The following ENAH variants were observed in gnomAD, a reference collection of about 807,000 sequenced individuals.
ENAH encodes the protein ENAH actin regulator.
ENAH carries 23 observed loss-of-function variants against 78.7 expected under a neutral mutation model. That is an observed-to-expected ratio of 0.29 (90% confidence interval 0.21 to 0.41). ENAH has a LOEUF of 0.41. Ranked by LOEUF, ENAH falls within the 10% of genes least tolerant of loss-of-function variation. The pLI, the probability that ENAH is intolerant of heterozygous loss-of-function variation, is 1.00. For synonymous variants in ENAH, 226 were observed against 241.0 expected (o/e 0.94, Z 0.58); for missense variants, 544 against 691.0 (o/e 0.79, Z 2.39).
chr1:225,531,119 C>G (rs1240683322), intron 3 of ENAH: 1 of 397,942 alleles, frequency 2.5e-6, no homozygotes, highest in African/African-American at 2.1e-5. Context: ...CTCCAGTATG[C>G]TAAAGCATTT....
At chr1:225,521,058 G>A (rs188420500) in intron 4 of ENAH, among the ~76,000 whole-genome samples, 11 of 151,544 alleles carry the variant, frequency 7.3e-5, no homozygotes, top group East Asian at 5.9e-4. Context: ...GCACGCGCGC[G>A]CACACACACA....
chr1:225,596,923 G>T (rs547503960), intron 1 of ENAH, among the ~76,000 whole-genome samples: 9 of 152,050 alleles, frequency 5.9e-5, no homozygotes, highest in Non-Finnish European at 1.0e-4. Flanking sequence ...CTGACCAGTG[G>T]GATAAAAATG....
At chr1:225,586,853 G>C (rs908645883) in intron 1 of ENAH, among the ~76,000 whole-genome samples, 2 of 145,094 alleles carry the variant, frequency 1.4e-5, no homozygotes, top group African/African-American at 5.1e-5. Context: ...GTGAAACCCT[G>C]TCTCTACTAA....
intron 2 of ENAH, among the ~76,000 whole-genome samples, chr1:225,561,062 T>G (rs1324632996): frequency 1.3e-5 from 2 of 151,696 alleles, no homozygotes; most frequent in Non-Finnish European, 2.9e-5. Context: ...GGTGAAACCC[T>G]GTCTCTACTG....
upstream of ENAH, among the ~76,000 whole-genome samples, chr1:225,653,741 A>C (rs1663485849): frequency 6.6e-6 from 1 of 152,090 alleles, no homozygotes; most frequent in South Asian, 2.1e-4. The surrounding 1 kb of genome is among the most constrained non-coding windows in gnomAD (Gnocchi z 4.3). Flanking sequence ...GGATGAGGGA[A>C]TCGGGGGGCA....
intron 11 of ENAH, among the ~76,000 whole-genome samples, chr1:225,506,782 T>C (rs2096334285): frequency 6.6e-6 from 1 of 152,174 alleles, no homozygotes; most frequent in Admixed American, 6.6e-5. Flanking sequence ...TCTTCTTTCC[T>C]ACTAGCAGAA....
rs2096223588 is a variant in ENAH at position 225,491,814 on chromosome 1, CTATT to C, written c.*5957_*5960del. 6.6e-6 allele frequency: 1 copy of C among 152,198 alleles called. No homozygotes were observed. The highest frequency in any genetic ancestry group is 2.4e-5 in the African/African-American group (1 of 41,446). 9.4% of individuals were successfully genotyped at this position (152,198 alleles called of 1,614,324 possible). On this transcript the variant is annotated 3_prime_UTR_variant, in exon 14 of 14. Coordinates refer to ENST00000366843, the MANE Select transcript of ENAH (RefSeq NM_018212.6). ...TTTCTAAGCCTTCTTAGAAGAATAA[CTATT>C]TACTAAAACCCAACCAAACCAACCT... is the stretch of plus-strand genomic sequence containing the variant.
chr1:225,504,333 G>C (rs2151066193), intron 11 of ENAH, among the ~76,000 whole-genome samples: 1 of 152,170 alleles, frequency 6.6e-6, no homozygotes, highest in African/African-American at 2.4e-5. Context: ...TTTATGATGA[G>C]AGCGTTGCCT....
At chr1:225,615,192 G>A (rs1318950899) in intron 1 of ENAH, among the ~76,000 whole-genome samples, 1 of 152,134 alleles carries the variant, frequency 6.6e-6, no homozygotes, top group African/African-American at 2.4e-5. Context: ...GCAGGCGCGC[G>A]CCGCCACGCC....
chr1:225,580,715 C>T (rs1196071404), intron 1 of ENAH, among the ~76,000 whole-genome samples: 2 of 151,936 alleles, frequency 1.3e-5, no homozygotes, highest in Non-Finnish European at 2.9e-5. Flanking sequence ...ATCAGGACTT[C>T]GAGAACAGCC....
At chr1:225,613,217 T>G (rs2097001805) in intron 1 of ENAH, among the ~76,000 whole-genome samples, 1 of 152,108 alleles carries the variant, frequency 6.6e-6, no homozygotes, top group Admixed American at 6.6e-5. Flanking sequence ...AACTCAAACG[T>G]CCCTCCCTAA....
rs1454725385 is a variant in ENAH at position 225,489,513 on chromosome 1, C to A, written c.*8262G>T. 1 of 152,092 alleles carries A rather than the reference C, an allele frequency of 6.6e-6. No homozygotes were observed. The highest frequency in any genetic ancestry group is 1.5e-5 in the Non-Finnish European group (1 of 68,024). The allele number at this position is 152,092 out of a possible 1,614,324, so 9.4% of individuals were successfully genotyped here. A position where few individuals can be genotyped will look rare whatever the true frequency, so the allele number is the denominator to read the frequency against. On this transcript the variant is annotated 3_prime_UTR_variant, in exon 14 of 14. Coordinates refer to ENST00000366843, the MANE Select transcript of ENAH (RefSeq NM_018212.6). The stretch of plus-strand genomic sequence containing the variant: ...GACTATAAAACAACTAAAAGCTGCA[C>A]TTAAGATGGGAGAGCCAAACTCAGA...
intron 6 of ENAH, chr1:225,515,172 G>A: frequency 2.6e-6 from 1 of 391,526 alleles, no homozygotes; most frequent in Non-Finnish European, 4.5e-6. Context: ...TTTTTCATGG[G>A]GATTTGGTAA....
chr1:225,527,345 T>C (rs1305588543), intron 4 of ENAH, among the ~76,000 whole-genome samples: 1 of 152,184 alleles, frequency 6.6e-6, no homozygotes, highest in Non-Finnish European at 1.5e-5. Flanking sequence ...ATGATTTTTA[T>C]ATAAATAACC....
chr1:225,549,973 C>T (rs2096633709), intron 3 of ENAH, among the ~76,000 whole-genome samples: 1 of 152,134 alleles, frequency 6.6e-6, no homozygotes, highest in Non-Finnish European at 1.5e-5. Flanking sequence ...CATATCAATC[C>T]TTTATTTAGC....
chr1:225,501,316 GA>G, intron 11 of ENAH: 1 of 418,818 alleles, frequency 2.4e-6, no homozygotes, highest in Non-Finnish European at 4.2e-6. Flanking sequence ...GACTTCTTCA[GA>G]AAAGAGTAGA....
At chr1:225,499,178 T>C (rs1012275222) in intron 12 of ENAH, among the ~76,000 whole-genome samples, 1 of 152,214 alleles carries the variant, frequency 6.6e-6, no homozygotes, top group Non-Finnish European at 1.5e-5. Flanking sequence ...AATGTCCTTT[T>C]GTTTTGTATT....
intron 1 of ENAH, among the ~76,000 whole-genome samples, chr1:225,603,095 G>A (rs989379781): frequency 2.6e-5 from 4 of 151,842 alleles, no homozygotes; most frequent in South Asian, 2.1e-4. Flanking sequence ...ACTTACTCTG[G>A]GACACAAAGA....
chr1:225,562,907 A>T (rs2096715531), intron 2 of ENAH, among the ~76,000 whole-genome samples: 2 of 151,840 alleles, frequency 1.3e-5, no homozygotes, highest in Non-Finnish European at 1.5e-5. Flanking sequence ...CAGGAGGTCA[A>T]GGCTGCAGTG....
Sources: gnomAD v4.1 joint callset for allele counts (sites outside exome capture counted in the v4.1 genomes callset) on GRCh38, gnomAD v4.1.1 for gene constraint, Gnocchi (gnomAD v3.1) non-coding constraint, MANE v1.5 for transcripts, NCBI Gene and HGNC (gene_info 2026-07-23, HGNC 2026-07-21) for gene names.